TLE2: variants seen among roughly 807,000 people sequenced by gnomAD.
The protein encoded by TLE2 is transducin-like enhancer protein 2.
TLE2 carries 74 observed loss-of-function variants against 97.2 expected under a neutral mutation model. That is an observed-to-expected ratio of 0.76 (90% confidence interval 0.63 to 0.92). The LOEUF is 0.92. Among genes scored for constraint, TLE2 ranks in the 40% least tolerant of loss-of-function variants. TLE2 has a pLI of 0.00. For synonymous variants in TLE2, 499 were observed against 432.1 expected (o/e 1.15, Z -1.92); for missense variants, 1,038 against 1,008.7 (o/e 1.03, Z -0.39).
chr19:3,011,529 CAAAA>C (rs34102685), intron 11 of TLE2, among the ~76,000 whole-genome samples: 1 of 116,912 alleles, frequency 8.6e-6, no homozygotes, highest in Non-Finnish European at 1.8e-5. Flanking sequence ...GACTCCATCT[CAAAA>C]AAAAAAAAAA....
intron 5 of TLE2, 32 bp downstream of exon 5, chr19:3,024,987 TC>T (rs772724091): frequency 1.9e-6 from 3 of 1,550,532 alleles, no homozygotes; most frequent in Admixed American, 1.9e-5. Flanking sequence ...CCGGCTCCCT[TC>T]CCCTCCTCCC....
intron 1 of TLE2, among the ~76,000 whole-genome samples, chr19:3,041,317 G>A (rs143247548): frequency 1.3e-5 from 2 of 151,818 alleles, no homozygotes; most frequent in South Asian, 2.1e-4. Flanking sequence ...GTGAGCCCCC[G>A]CGCCCAGCCT....
At chr19:3,033,926 A>ACCTCTGGCT (rs368491557), upstream of TLE2, among the ~76,000 whole-genome samples, 1,342 of 151,442 alleles carry the variant, frequency 8.9e-3, 17 homozygotes, top group African/African-American at 0.031. Context: ...CTTGACTCAC[A>ACCTCTGGCT]CCTCTGGCTT....
chr19:3,043,350 G>C (rs999062839), intron 1 of TLE2, among the ~76,000 whole-genome samples: 2 of 147,546 alleles, frequency 1.4e-5, no homozygotes, highest in African/African-American at 5.0e-5. Context: ...CATGGCACCC[G>C]GCCCCTTCTG....
At chr19:3,033,839 C>T (rs2090043919), upstream of TLE2, among the ~76,000 whole-genome samples, 1 of 151,992 alleles carries the variant, frequency 6.6e-6, no homozygotes, top group Non-Finnish European at 1.5e-5. Context: ...ACCCAACCCC[C>T]ACCCCCCATC....
chr19:3,047,020 TCCCCTCAGTTTTCTCCCCACGCCCC>T (rs2090147937), upstream of TLE2, among the ~76,000 whole-genome samples: 1 of 55,786 alleles, frequency 1.8e-5, no homozygotes, highest in Non-Finnish European at 3.5e-5. Flanking sequence ...CCCTCCTCCC[TCCCCTCAGTTTTCTCCCCACGCCCC>T]TCCCTCTCCC....
rs2089988778 is a variant in TLE2, at chr19:3,028,708, G to T, written c.120C>A (p.His40Gln). 6.2e-7 allele frequency: 1 copy of T among 1,612,688 alleles called. No homozygotes were observed. Among genetic ancestry groups the T allele is most frequent in the African/African-American group, 1.3e-5 (1 of 74,910 alleles). Reference sequence around the variant, plus strand: ...GCCCCTGGGGCGGCCCCCCTCACCTGTGGTATTGAGCCTGAAGAAACTGGA... The same window carrying T: ...GCCCCTGGGGCGGCCCCCCTCACCTTTGGTATTGAGCCTGAAGAAACTGGA... ...EEFQFLQAQY[H>Q]SLKLECEKLA... Residue 40 changes from histidine to glutamine, a missense_variant and splice_region_variant, in exon 2 of 20, where the codon CAC becomes CAA. Coordinates refer to ENST00000262953, the MANE Select transcript of TLE2 (RefSeq NM_003260.5).
At chr19:2,998,158 C>A (rs2046895449) in intron 19 of TLE2, among the ~76,000 whole-genome samples, 1 of 151,924 alleles carries the variant, frequency 6.6e-6, no homozygotes, top group Non-Finnish European at 1.5e-5. Flanking sequence ...GCAACCTCCA[C>A]CTCCCGGGTT....
intron 9 of TLE2, among the ~76,000 whole-genome samples, chr19:3,015,058 CAAAAAA>C (rs34658846): frequency 7.7e-6 from 1 of 130,516 alleles, no homozygotes. Context: ...AATTCATTGC[CAAAAAA>C]AAAAAAAAAA....
chr19:3,037,561 T>C (rs878884796), intron 1 of TLE2, among the ~76,000 whole-genome samples: 16 of 152,188 alleles, frequency 1.1e-4, no homozygotes, highest in Middle Eastern at 6.3e-3. Context: ...AGAAGGCCCC[T>C]GTGCCTACTT....
Position 3,019,718 on chromosome 19 carries a change from T to A in TLE2, c.350A>T (p.Glu117Val). ...ACTCACCCCGATGAGGCTGTTCAGCTCCCCCACGGTGACCTGCTTGGCGCG... is the reference window on the plus strand; with the variant it reads ...ACTCACCCCGATGAGGCTGTTCAGCACCCCCACGGTGACCTGCTTGGCGCG... ...VERAKQVTVG[E>V]LNSLIGQQLQ... is the part of the protein sequence containing the mutation. Residue 117 changes from glutamate to valine, a missense_variant, in exon 6 of 20, where the codon GAG becomes GTG. By Grantham distance (121) the Glu-to-Val change is moderately radical (BLOSUM62 -2). Transcript: ENST00000262953. The surrounding 1 kb of genome is among the most constrained non-coding windows in gnomAD (Gnocchi z 5.1). The A allele has an allele frequency of 6.2e-7, 1 of 1,611,968 alleles. No homozygotes were observed. The highest frequency in any genetic ancestry group is 8.5e-7 in the Non-Finnish European group (1 of 1,179,210).
At chr19:3,037,240 G>A (rs868010193) in intron 1 of TLE2, among the ~76,000 whole-genome samples, 113 of 152,270 alleles carry the variant, frequency 7.4e-4, no homozygotes, top group African/African-American at 2.5e-3. Flanking sequence ...AGCCGAGTTC[G>A]CGCCACTGCA....
At chr19:3,032,897 C>T (rs1256792531), upstream of TLE2, among the ~76,000 whole-genome samples, 1 of 151,780 alleles carries the variant, frequency 6.6e-6, no homozygotes, top group Non-Finnish European at 1.5e-5. The surrounding 1 kb of genome is among the most constrained non-coding windows in gnomAD (Gnocchi z 4.1). Flanking sequence ...CCTCTGTCCT[C>T]ATTGTCTGCA....
chr19:2,998,243 GTGTGTGTGTGT>G (rs2089264794), intron 19 of TLE2, among the ~76,000 whole-genome samples: 2 of 77,614 alleles, frequency 2.6e-5, no homozygotes, highest in African/African-American at 9.5e-5. Context: ...GCCAATGTGT[GTGTGTGTGTGT>G]GTGTGTGTGT....
chr19:2,997,884 C>G lies in TLE2; in HGVS notation c.2196G>C (p.Gly732=). 6.2e-7 allele frequency: 1 copy of G among 1,612,468 alleles called. No homozygotes were observed. Among genetic ancestry groups the G allele is most frequent in the African/African-American group, 1.3e-5 (1 of 74,952 alleles). ...RNNKYIVTGS[G]DKKATVYEVV... Reference sequence around the variant, plus strand: ...CCTCATACACGGTGGCCTTCTTGTCCCCCGAGCCTGTCACGATGTATTTGT... The same window carrying G: ...CCTCATACACGGTGGCCTTCTTGTCGCCCGAGCCTGTCACGATGTATTTGT... Residue 732 remains glycine, a synonymous_variant, in exon 20 of 20, where the codon GGG becomes GGC. Coordinates refer to ENST00000262953, the MANE Select transcript of TLE2 (RefSeq NM_003260.5).
intron 10 of TLE2, among the ~76,000 whole-genome samples, chr19:3,014,259 C>T (rs2089655451): frequency 6.6e-6 from 1 of 152,112 alleles, no homozygotes; most frequent in Non-Finnish European, 1.5e-5. Context: ...TCCATAAGCA[C>T]CCATAGCGAG....
At chr19:3,008,607 C>A (rs555876112) in intron 14 of TLE2, among the ~76,000 whole-genome samples, 10 of 152,100 alleles carry the variant, frequency 6.6e-5, no homozygotes, top group African/African-American at 2.4e-4. Context: ...CCCGCCACCA[C>A]GTCCGGCTAA....
At chr19:3,014,145 C>G (rs894851891) in intron 10 of TLE2, among the ~76,000 whole-genome samples, 1 of 152,064 alleles carries the variant, frequency 6.6e-6, no homozygotes, top group Non-Finnish European at 1.5e-5. Context: ...GTCTCAAACT[C>G]CTGACCTCAA....
chr19:3,016,419 C>CAAAA (rs34669546), intron 8 of TLE2, among the ~76,000 whole-genome samples: 242 of 91,532 alleles, frequency 2.6e-3, no homozygotes, highest in African/African-American at 9.0e-3. Flanking sequence ...ACTAAAAATA[C>CAAAA]AAAAAAAAAA....
Sources: gnomAD v4.1 joint callset for allele counts (sites outside exome capture counted in the v4.1 genomes callset) on GRCh38, gnomAD v4.1.1 for gene constraint, Gnocchi (gnomAD v3.1) non-coding constraint, MANE v1.5 for transcripts, NCBI Gene and HGNC (gene_info 2026-07-23, HGNC 2026-07-21) for gene names.